Variants in ACVR1B observed in about 807,000 individuals in gnomAD.
ACVR1B encodes activin receptor type-1B.
ACVR1B carries 15 observed loss-of-function variants against 55.6 expected under a neutral mutation model. The ratio of observed to expected loss-of-function variants is 0.27; its 90% CI spans 0.18 to 0.42. The LOEUF is 0.42. ACVR1B is among the 10% of genes least tolerant of loss of function. The probability of loss-of-function intolerance (pLI) is 1.00; values close to 1 mark genes in which losing one functional copy is unlikely to be tolerated. For synonymous variants in ACVR1B, 247 were observed against 254.6 expected, an observed-to-expected ratio of 0.97 and a Z score of 0.28; for missense variants, 359 against 670.1, an observed-to-expected ratio of 0.54 and a Z score of 5.13.
chr12:51,961,500 C>T (rs1046784261), intron 1 of ACVR1B, among the ~76,000 whole-genome samples: 2 of 152,110 alleles, frequency 1.3e-5, no homozygotes, highest in Admixed American at 6.5e-5. Context: ...TTTATCCTAC[C>T]ACCTACCCAT....
At chr12:51,956,757 GTTTC>G (rs1941417798) in intron 1 of ACVR1B, among the ~76,000 whole-genome samples, 1 of 151,136 alleles carries the variant, frequency 6.6e-6, no homozygotes, top group Admixed American at 6.6e-5. Context: ...TATTTTATGT[GTTTC>G]TTTTTTTTTC....
At chr12:51,990,155 A>G (rs994225666) in intron 7 of ACVR1B, among the ~76,000 whole-genome samples, 2 of 151,400 alleles carry the variant, frequency 1.3e-5, no homozygotes, top group East Asian at 2.0e-4. Flanking sequence ...TTAGCCGGGC[A>G]TGGTGGCAGG....
intron 1 of ACVR1B, among the ~76,000 whole-genome samples, chr12:51,969,600 A>G (rs1303347090): frequency 1.3e-5 from 2 of 152,216 alleles, no homozygotes; most frequent in Non-Finnish European, 2.9e-5. Flanking sequence ...GGAATTTTTT[A>G]TAGAGGTAAG....
rs750134234 is a variant in ACVR1B at position 51,951,778 on chromosome 12, C to A, written c.35C>A (p.Pro12His). The change falls in exon 1 of 9, where the codon CCC becomes CAC. Residue 12 changes from proline to histidine, a missense_variant. By Grantham distance (77) the Pro-to-His change is moderately conservative. Coordinates refer to ENST00000257963, the MANE Select transcript of ACVR1B (RefSeq NM_004302.5). ...AESAGASSFF[P>H]LVVLLLAGSG... ...TCGGCCGGAGCCTCCTCCTTCTTCCCCCTTGTTGTCCTCCTGCTCGCCGGC... is the reference window on the plus strand; with the variant it reads ...TCGGCCGGAGCCTCCTCCTTCTTCCACCTTGTTGTCCTCCTGCTCGCCGGC... 2 of 1,295,496 alleles carry A rather than the reference C, an allele frequency of 1.5e-6. No individual in the cohort carries two copies. Among genetic ancestry groups the A allele is most frequent in the East Asian group, 5.7e-5 (2 of 34,994 alleles). 80.3% of individuals were successfully genotyped at this position (1,295,496 alleles called of 1,614,324 possible).
chr12:51,979,940 C>A (rs896092261), intron 3 of ACVR1B, among the ~76,000 whole-genome samples: 1 of 151,946 alleles, frequency 6.6e-6, no homozygotes, highest in African/African-American at 2.4e-5. Flanking sequence ...GTAGGACAGG[C>A]GGACGGAGAT....
chr12:51,972,109 C>CT (rs1941756136), intron 1 of ACVR1B, among the ~76,000 whole-genome samples: 1 of 152,062 alleles, frequency 6.6e-6, no homozygotes, highest in Admixed American at 6.6e-5. Context: ...TTGTTAAGTA[C>CT]TTTAAAAAAT....
chr12:51,981,252 T>C (rs753358615), intron 4 of ACVR1B, 53 bp downstream of exon 4: 51 of 1,494,654 alleles, frequency 3.4e-5, no homozygotes, highest in Middle Eastern at 1.7e-4. Context: ...CTAGAGAAAG[T>C]GCATAGCTAT....
At chr12:51,958,865 C>T (rs1449142568) in intron 1 of ACVR1B, among the ~76,000 whole-genome samples, 2 of 152,188 alleles carry the variant, frequency 1.3e-5, no homozygotes, top group East Asian at 1.9e-4. Flanking sequence ...GGCCGTGGAC[C>T]AGTACCGGTC....
chr12:51,969,302 G>A (rs1280586882), intron 1 of ACVR1B, among the ~76,000 whole-genome samples: 3 of 152,112 alleles, frequency 2.0e-5, no homozygotes, highest in Non-Finnish European at 4.4e-5. Context: ...TGTTGTCGTC[G>A]TAAATGGCCA....
In ACVR1B at chr12:51,977,540, G is replaced by T. The variant is rs369797963; in HGVS notation, c.580+965G>T. Among the ~76,000 whole-genome samples the T allele has an allele frequency of 5.3e-5, 8 of 151,098 alleles. No homozygotes were observed. The South Asian group carries it at 1.7e-3, about 32-fold the overall frequency. Reference sequence around the variant, plus strand: ...TTGTGTTCTTGACCTCAAGTGATCCGCCTGCCTCGTAAAGAATTTTTTTAA... The same window carrying T: ...TTGTGTTCTTGACCTCAAGTGATCCTCCTGCCTCGTAAAGAATTTTTTTAA... On this transcript the variant is annotated intron_variant, in intron 3 of 8. Coordinates refer to ENST00000257963, the MANE Select transcript of ACVR1B (RefSeq NM_004302.5).
chr12:51,965,678 A>AG (rs2120512092), intron 1 of ACVR1B, among the ~76,000 whole-genome samples: 1 of 152,300 alleles, frequency 6.6e-6, no homozygotes, highest in African/African-American at 2.4e-5. Flanking sequence ...TAGTTGGGCT[A>AG]GGATAGGTAT....
chr12:51,996,583 G>T lies in ACVR1B; in HGVS notation c.*2473G>T, dbSNP rs1217928151. ...TAGACTCCTCTTCCCAGAGTCACAA[G>T]TAGCCTCTGGGATCTGCCAACACAC... On this transcript the variant is annotated 3_prime_UTR_variant, in exon 9 of 9. Transcript: ENST00000257963. 6.6e-6 allele frequency: 1 copy of T among 152,576 alleles called. No homozygotes were observed. The highest frequency in any genetic ancestry group is 1.5e-5 in the Non-Finnish European group (1 of 68,078). 9.5% of individuals were successfully genotyped at this position (152,576 alleles called of 1,614,324 possible).
intron 1 of ACVR1B, among the ~76,000 whole-genome samples, chr12:51,974,061 A>G (rs1390452110): frequency 6.6e-6 from 1 of 152,266 alleles, no homozygotes; most frequent in African/African-American, 2.4e-5. Context: ...GGGACTGCCC[A>G]TAAGTGTCTC....
intron 1 of ACVR1B, among the ~76,000 whole-genome samples, chr12:51,957,275 G>A (rs778552575): frequency 2.0e-5 from 3 of 151,244 alleles, no homozygotes; most frequent in African/African-American, 4.9e-5. Context: ...CTGAAACCCC[G>A]TCTCTATTAA....
intron 4 of ACVR1B, among the ~76,000 whole-genome samples, chr12:51,982,321 G>T (rs1044163996): frequency 2.6e-5 from 4 of 152,178 alleles, no homozygotes; most frequent in Non-Finnish European, 4.4e-5. Flanking sequence ...ATTATGAGGG[G>T]CCTTTTTGAG....
At chr12:51,969,400 G>A (rs1287654105) in intron 1 of ACVR1B, among the ~76,000 whole-genome samples, 2 of 152,092 alleles carry the variant, frequency 1.3e-5, no homozygotes, top group Non-Finnish European at 2.9e-5. Context: ...TCTTTAAATG[G>A]CACCACAGCC....
intron 1 of ACVR1B, among the ~76,000 whole-genome samples, chr12:51,963,314 G>A (rs1036863899): frequency 7.3e-5 from 11 of 151,500 alleles, no homozygotes; most frequent in South Asian, 2.1e-4. Flanking sequence ...GCATGATCTC[G>A]GCTCATTGCA....
chr12:51,976,685 T>C, intron 3 of ACVR1B, 110 bp downstream of exon 3: 15 of 1,375,348 alleles, frequency 1.1e-5, no homozygotes, highest in Middle Eastern at 2.6e-4. Context: ...TCTACCAGCA[T>C]TGAGTCATTT....
intron 4 of ACVR1B, 30 bp from the exon 5 acceptor site, chr12:51,983,969 T>C: frequency 3.1e-6 from 5 of 1,613,148 alleles, no homozygotes; most frequent in Non-Finnish European, 4.2e-6. Context: ...AGTTACACTT[T>C]TTCTGGGACT....
Sources: gnomAD v4.1 joint callset for allele counts (sites outside exome capture counted in the v4.1 genomes callset) on GRCh38, gnomAD v4.1.1 for gene constraint, MANE v1.5 for transcripts, NCBI Gene and HGNC (gene_info 2026-07-23, HGNC 2026-07-21) for gene names.